Variants in SLC18A2 observed in about 807,000 individuals in gnomAD.
SLC18A2 encodes the protein solute carrier family 18 member A2.
Under a neutral mutation model 59.2 loss-of-function variants are expected in SLC18A2, and 33 were observed. The observed-to-expected ratio is 0.56, with a 90% confidence interval of 0.42 to 0.75. SLC18A2 has a LOEUF of 0.75. SLC18A2 is among the 30% of genes least tolerant of loss of function. SLC18A2 has a pLI of 0.00. For synonymous variants in SLC18A2, 228 were observed against 253.5 expected (o/e 0.90, Z 0.95); for missense variants, 569 against 668.6 (o/e 0.85, Z 1.64).
chr10:117,244,420 A>G lies in SLC18A2; in HGVS notation c.464+107A>G, dbSNP rs1231084805. On this transcript the variant is annotated intron_variant, in intron 3 of 15. Transcript: ENST00000644641. ...TCATTGGTGAGAGTCTGGAAAATCCATGGTGGGTGAGCTGGGGAAAACCCA... is the reference window on the plus strand; with the variant it reads ...TCATTGGTGAGAGTCTGGAAAATCCGTGGTGGGTGAGCTGGGGAAAACCCA... 20 of 1,058,480 alleles carry G rather than the reference A, an allele frequency of 1.9e-5. No homozygotes were observed. The East Asian group carries it at 4.4e-4, about 23-fold the overall frequency. The allele number at this position is 1,058,480 out of a possible 1,614,324, so 65.6% of individuals were successfully genotyped here.
rs1844392491 is a variant in SLC18A2 at position 117,269,200 on chromosome 10, CACAT to C, written c.1187-867_1187-864del. 2.1e-5 allele frequency among the ~76,000 whole-genome samples: 2 copies of C among 94,700 alleles called. No individual in the cohort carries two copies. The highest frequency in any genetic ancestry group is 7.0e-4 in the South Asian group (2 of 2,860). 62.1% of individuals were successfully genotyped at this position (94,700 alleles called of 152,430 possible). On this transcript the variant is annotated intron_variant, in intron 13 of 15. Coordinates refer to ENST00000644641, the MANE Select transcript of SLC18A2 (RefSeq NM_003054.6). This position sits in a 1 kb window ranked among gnomAD's most constrained non-coding sequence, Gnocchi z 5.1. ...ATACACACATACACACACACCTACA[CACAT>C]ACACATACACACACATACACAAATA...
chr10:117,249,942 T>C (rs1453834618), intron 3 of SLC18A2, among the ~76,000 whole-genome samples: 1 of 152,182 alleles, frequency 6.6e-6, no homozygotes, highest in African/African-American at 2.4e-5. Context: ...TTAGCAATAC[T>C]TTAATTGAGA....
chr10:117,263,377 G>A (rs183433284), intron 10 of SLC18A2, among the ~76,000 whole-genome samples: 57 of 152,290 alleles, frequency 3.7e-4, no homozygotes, highest in Middle Eastern at 6.8e-3. Flanking sequence ...AGGCTGTTCT[G>A]CCTTTATGCT....
intron 3 of SLC18A2, among the ~76,000 whole-genome samples, chr10:117,249,993 T>C (rs1844144297): frequency 6.6e-6 from 1 of 152,094 alleles, no homozygotes; most frequent in African/African-American, 2.4e-5. Context: ...CAGACACAGA[T>C]TGTGACTAAT....
intron 15 of SLC18A2, among the ~76,000 whole-genome samples, chr10:117,275,195 T>C (rs1447294987): frequency 6.6e-6 from 1 of 152,192 alleles, no homozygotes; most frequent in Non-Finnish European, 1.5e-5. Context: ...CAAGTATCAA[T>C]TCACTTGGCA....
At position 117,266,705 on chromosome 10, in the gene SLC18A2, A is replaced by G. The variant is rs1276755577; in HGVS notation, c.992-28A>G. On this transcript the variant is annotated intron_variant, in intron 10 of 15. Transcript: ENST00000644641. Reference sequence around the variant, plus strand: ...TAACATATGACTGATATCAGCACTGATAAGGTCTCCTTTTCATAAATTTAC... The same window carrying G: ...TAACATATGACTGATATCAGCACTGGTAAGGTCTCCTTTTCATAAATTTAC... The G allele has an allele frequency of 2.6e-6, 4 of 1,539,522 alleles. No individual in the cohort carries two copies. The Admixed American group carries it at 6.7e-5, about 26-fold the overall frequency.
chr10:117,258,508 C>CA (rs1275971719), intron 10 of SLC18A2, among the ~76,000 whole-genome samples: 4 of 152,118 alleles, frequency 2.6e-5, no homozygotes, highest in Admixed American at 1.3e-4. Flanking sequence ...TTCCTTCATG[C>CA]AATTTTGTGG....
intron 10 of SLC18A2, among the ~76,000 whole-genome samples, chr10:117,260,147 A>G (rs11197936): frequency 0.36 from 54,567 of 152,046 alleles, 9,901 homozygotes; most frequent in Admixed American, 0.39. Flanking sequence ...ACACCCTCCC[A>G]CCATGTTCCT....
intron 3 of SLC18A2, among the ~76,000 whole-genome samples, chr10:117,247,954 A>T (rs1844125822): frequency 6.6e-6 from 1 of 152,148 alleles, no homozygotes; most frequent in African/African-American, 2.4e-5. Context: ...AGGAGTCACA[A>T]AATGTAGGCC....
At chr10:117,265,017 T>C (rs562269544) in intron 10 of SLC18A2, among the ~76,000 whole-genome samples, 1 of 152,346 alleles carries the variant, frequency 6.6e-6, no homozygotes, top group East Asian at 1.9e-4. Flanking sequence ...ACGTTGTCAT[T>C]GTCTTTGCTG....
Position 117,279,201 on chromosome 10 carries a change from C to G in SLC18A2, c.*1935C>G, listed in dbSNP as rs1021396786. On this transcript the variant is annotated 3_prime_UTR_variant, in exon 16 of 16. Coordinates refer to ENST00000644641, the MANE Select transcript of SLC18A2 (RefSeq NM_003054.6). Reference sequence around the variant, plus strand: ...TAAGTTCTTTTATATGACTAATATTCTTGGTTAGCAAGACTGGAAAGAGGT... The same window carrying G: ...TAAGTTCTTTTATATGACTAATATTGTTGGTTAGCAAGACTGGAAAGAGGT... 1.3e-5 allele frequency: 2 copies of G among 152,290 alleles called. No individual in the cohort carries two copies. The highest frequency in any genetic ancestry group is 1.3e-4 in the Admixed American group (2 of 15,290). The allele number at this position is 152,290 out of a possible 1,614,324, so 9.4% of individuals were successfully genotyped here. A position where few individuals can be genotyped will look rare whatever the true frequency, so the allele number is the denominator to read the frequency against.
At chr10:117,258,433 A>G (rs1844254665) in intron 10 of SLC18A2, among the ~76,000 whole-genome samples, 1 of 152,176 alleles carries the variant, frequency 6.6e-6, no homozygotes, top group Admixed American at 6.5e-5. Flanking sequence ...ACCCTATTGC[A>G]TGAAATGCCT....
chr10:117,269,252 TAC>T lies in SLC18A2; in HGVS notation c.1187-815_1187-814del, dbSNP rs1462051721. 2.0e-5 allele frequency among the ~76,000 whole-genome samples: 3 copies of T among 151,450 alleles called. No individual in the cohort carries two copies. The highest frequency in any genetic ancestry group is 2.0e-4 in the Admixed American group (3 of 15,220). On this transcript the variant is annotated intron_variant, in intron 13 of 15. Coordinates refer to ENST00000644641, the MANE Select transcript of SLC18A2 (RefSeq NM_003054.6). The surrounding 1 kb of genome is among the most constrained non-coding windows in gnomAD (Gnocchi z 5.1). ...ATACAAGTACATACACAAACACATA[TAC>T]ACAGACACATACACATGCAAACACA...
intron 2 of SLC18A2, among the ~76,000 whole-genome samples, chr10:117,243,067 G>A (rs1297208067): frequency 1.3e-5 from 2 of 152,136 alleles, no homozygotes; most frequent in African/African-American, 4.8e-5. Context: ...GAAAGCCTTA[G>A]GAATTCTTAA....
intron 3 of SLC18A2, among the ~76,000 whole-genome samples, chr10:117,252,520 T>C (rs948619748): frequency 9.9e-5 from 15 of 152,072 alleles, no homozygotes; most frequent in Non-Finnish European, 1.9e-4. Flanking sequence ...GCAGAGGGGC[T>C]GGGAAGCTGC....
In SLC18A2 at chr10:117,267,063, G is replaced by T. The variant is rs760679609; in HGVS notation, c.1122+28G>T. On this transcript the variant is annotated intron_variant, in intron 12 of 15. Coordinates refer to ENST00000644641, the MANE Select transcript of SLC18A2 (RefSeq NM_003054.6). ...GAGTAAAAGATGGCATTTGACAAGT[G>T]GGAACAATCTGTGAATAAAACTTGC... 6 of 1,557,038 alleles carry T rather than the reference G, an allele frequency of 3.9e-6. No individual in the cohort carries two copies. In the South Asian group the frequency reaches 6.9e-5, roughly 18 times the overall value.
chr10:117,256,355 G>A (rs1457992427), intron 9 of SLC18A2, among the ~76,000 whole-genome samples: 3 of 152,156 alleles, frequency 2.0e-5, no homozygotes, highest in African/African-American at 7.2e-5. Flanking sequence ...CCTTGTGTAG[G>A]TGTTGCTGGG....
In SLC18A2 at chr10:117,241,754, C is replaced by A; in HGVS notation, c.61C>A (p.Leu21Ile). The change falls in exon 2 of 16, where the codon CTC (leucine) becomes ATC (isoleucine). Residue 21 changes from leucine to isoleucine, a missense_variant. Leu to Ile is a conservative substitution (Grantham distance 5, BLOSUM62 2). Transcript: ENST00000644641. ...WLQESRRSRK[L>I]ILFIVFLALL... Reference sequence around the variant, plus strand: ...GCAGGAGAGCCGCCGCTCGCGGAAGCTCATCCTGTTCATCGTGTTCCTGGC... The same window carrying A: ...GCAGGAGAGCCGCCGCTCGCGGAAGATCATCCTGTTCATCGTGTTCCTGGC... 6.2e-7 allele frequency: 1 copy of A among 1,611,256 alleles called. No individual in the cohort carries two copies. The highest frequency in any genetic ancestry group is 2.2e-5 in the East Asian group (1 of 44,640).
intron 3 of SLC18A2, among the ~76,000 whole-genome samples, chr10:117,249,930 G>C (rs1467028089): frequency 6.6e-6 from 1 of 152,196 alleles, no homozygotes; most frequent in Non-Finnish European, 1.5e-5. Context: ...ATCTGGCTCT[G>C]CTTAGCAATA....
Sources: allele counts gnomAD v4.1 joint callset (sites outside exome capture counted in the v4.1 genomes callset), GRCh38; gene constraint gnomAD v4.1.1; non-coding constraint Gnocchi (gnomAD v3.1); transcripts MANE v1.5; gene names NCBI Gene and HGNC (gene_info 2026-07-23, HGNC 2026-07-21).